Variants in ANXA3 observed in about 807,000 individuals in gnomAD.
ANXA3 encodes the protein 35-alpha calcimedin.
Under a neutral mutation model 48.8 loss-of-function variants are expected in ANXA3, and 46 were observed. The ratio of observed to expected loss-of-function variants is 0.94; its 90% CI spans 0.74 to 1.21. ANXA3 has a LOEUF of 1.21. Ranked by LOEUF, ANXA3 falls within the 50% of genes most tolerant of loss-of-function variation. ANXA3 has a pLI of 0.00. For missense variants in ANXA3, 383 were observed against 378.6 expected, an observed-to-expected ratio of 1.01 and a Z score of -0.10; for synonymous variants, 128 against 134.7, an observed-to-expected ratio of 0.95 and a Z score of 0.35.
At chr4:78,583,383 T>C (rs1723111835) in intron 5 of ANXA3, among the ~76,000 whole-genome samples, 1 of 151,596 alleles carries the variant, frequency 6.6e-6, no homozygotes, top group African/African-American at 2.4e-5. Context: ...TTGGAGGCCA[T>C]GGTGGGAGGA....
At chr4:78,590,278 A>C (rs1251187721) in intron 6 of ANXA3, among the ~76,000 whole-genome samples, 3 of 152,216 alleles carry the variant, frequency 2.0e-5, no homozygotes, top group Admixed American at 1.3e-4. Context: ...ACTAAATATT[A>C]TTATTTAGAA....
At chr4:78,567,069 T>C (rs1722746810) in intron 2 of ANXA3, among the ~76,000 whole-genome samples, 1 of 152,196 alleles carries the variant, frequency 6.6e-6, no homozygotes, top group Non-Finnish European at 1.5e-5. Context: ...TGTTTGTGCA[T>C]CATCTTCCAT....
chr4:78,604,403 A>G lies in ANXA3; in HGVS notation c.912+4A>G. The G allele has an allele frequency of 6.2e-7, 1 of 1,608,158 alleles. No individual in the cohort carries two copies. The highest frequency in any genetic ancestry group is 8.5e-7 in the Non-Finnish European group (1 of 1,175,894). ...TTCCCTATATTCAGCAATTAAAGTAAGTCTACTTTTAAAAATAGCAAAACA... is the reference window on the plus strand; with the variant it reads ...TTCCCTATATTCAGCAATTAAAGTAGGTCTACTTTTAAAAATAGCAAAACA... On this transcript the variant is annotated splice_donor_region_variant and intron_variant, in intron 12 of 12. Transcript: ENST00000264908.
intron 5 of ANXA3, 40 bp from the exon 6 acceptor site, chr4:78,586,220 T>C (rs1318307080): frequency 6.6e-7 from 1 of 1,521,658 alleles, no homozygotes; most frequent in South Asian, 1.1e-5. Context: ...GATTAAGTTA[T>C]TTAAGTGTTC....
intron 5 of ANXA3, among the ~76,000 whole-genome samples, chr4:78,583,453 C>T (rs1438434993): frequency 6.6e-6 from 1 of 151,436 alleles, no homozygotes; most frequent in East Asian, 1.9e-4. Context: ...GAGAACTTGT[C>T]TCTACAAAAA....
chr4:78,572,884 G>A (rs919815165), intron 2 of ANXA3, among the ~76,000 whole-genome samples: 4 of 152,148 alleles, frequency 2.6e-5, no homozygotes, highest in Non-Finnish European at 4.4e-5. Context: ...TTTGGGAAGA[G>A]CTAGTATCAT....
chr4:78,563,690 T>C (rs1484569309), intron 2 of ANXA3, among the ~76,000 whole-genome samples: 1 of 152,224 alleles, frequency 6.6e-6, no homozygotes, highest in Non-Finnish European at 1.5e-5. Flanking sequence ...GTTTGTGGTA[T>C]TTTGTTATAT....
chr4:78,585,840 T>C (rs1723164115), intron 5 of ANXA3, among the ~76,000 whole-genome samples: 1 of 152,198 alleles, frequency 6.6e-6, no homozygotes, highest in Non-Finnish European at 1.5e-5. Context: ...AAAGGCTCCC[T>C]GTATGAAGAG....
intron 2 of ANXA3, among the ~76,000 whole-genome samples, chr4:78,566,620 C>T (rs1722737374): frequency 1.6e-5 from 2 of 125,330 alleles, no homozygotes; most frequent in South Asian, 2.6e-4. Context: ...AATGGGTACA[C>T]ATTGATATAG....
chr4:78,560,475 G>A (rs898885027), intron 2 of ANXA3, among the ~76,000 whole-genome samples: 3 of 152,208 alleles, frequency 2.0e-5, no homozygotes, highest in African/African-American at 7.2e-5. Flanking sequence ...TGGACCCAGA[G>A]CCTCCATGCC....
In ANXA3 at chr4:78,591,585, T is replaced by C; in HGVS notation, c.445T>C (p.Ser149Pro). The change falls in exon 7 of 13, where the codon TCT becomes CCT. Residue 149 changes from serine (S) to proline (P), a missense_variant. Physicochemically the swap from Ser to Pro is moderately conservative, Grantham distance 74. Coordinates refer to ENST00000264908, the MANE Select transcript of ANXA3 (RefSeq NM_005139.3). ...SLGDDISSET[S>P]GDFRKALLTL... ...TGGAGATGACATTAGTTCCGAAACATCTGGTGACTTCCGGAAAGCTCTGTT... is the reference window on the plus strand; with the variant it reads ...TGGAGATGACATTAGTTCCGAAACACCTGGTGACTTCCGGAAAGCTCTGTT... The C allele has an allele frequency of 6.2e-7, 1 of 1,613,794 alleles. No individual in the cohort carries two copies. The highest frequency in any genetic ancestry group is 8.5e-7 in the Non-Finnish European group (1 of 1,179,746).
intron 12 of ANXA3, among the ~76,000 whole-genome samples, chr4:78,609,485 A>G (rs1293466515): frequency 6.6e-6 from 1 of 152,212 alleles, no homozygotes; most frequent in Non-Finnish European, 1.5e-5. Context: ...TTCTTTAAAA[A>G]TGTGGTTCAT....
chr4:78,598,046 G>T, intron 10 of ANXA3, among the ~76,000 whole-genome samples: 1 of 152,000 alleles, frequency 6.6e-6, no homozygotes. Context: ...AAACTGAGAC[G>T]TAGGCAAAGC....
At chr4:78,594,273 T>C (rs142409923) in intron 7 of ANXA3, among the ~76,000 whole-genome samples, 1 of 151,252 alleles carries the variant, frequency 6.6e-6, no homozygotes, top group Non-Finnish European at 1.5e-5. Context: ...TTGTATAGAA[T>C]ATTTATTTTA....
Position 78,591,531 on chromosome 4 carries a change from G to T in ANXA3, c.404-13G>T. The T allele has an allele frequency of 6.3e-7, 1 of 1,585,166 alleles. No individual in the cohort carries two copies. The highest frequency in any genetic ancestry group is 1.1e-5 in the South Asian group (1 of 88,100). On this transcript the variant is annotated splice_polypyrimidine_tract_variant and intron_variant, in intron 6 of 12. Transcript: ENST00000264908. ...GTTTGTCAAGGCTTAATTTCATTCT[G>T]ATTTGGTTTCAGTATACAAGAAGAG...
intron 12 of ANXA3, among the ~76,000 whole-genome samples, chr4:78,607,656 G>A (rs1272951232): frequency 6.6e-6 from 1 of 152,042 alleles, no homozygotes; most frequent in Non-Finnish European, 1.5e-5. Flanking sequence ...TAATCTATGT[G>A]GAGACTTGAG....
At chr4:78,599,721 T>G (rs1723497489) in intron 10 of ANXA3, among the ~76,000 whole-genome samples, 1 of 152,104 alleles carries the variant, frequency 6.6e-6, no homozygotes, top group Admixed American at 6.5e-5. Context: ...GTTAATTTTT[T>G]TTCCATTTTA....
intron 6 of ANXA3, among the ~76,000 whole-genome samples, chr4:78,588,238 C>T (rs1229212030): frequency 6.6e-6 from 1 of 151,520 alleles, no homozygotes; most frequent in African/African-American, 2.4e-5. Context: ...TAAAAAATAC[C>T]AAAAATTGGC....
chr4:78,567,882 C>T (rs1404865615), intron 2 of ANXA3, among the ~76,000 whole-genome samples: 1 of 152,210 alleles, frequency 6.6e-6, no homozygotes, highest in Non-Finnish European at 1.5e-5. Context: ...TCTGTTTCTT[C>T]TTGTCTTCAA....
Sources: gnomAD v4.1 joint callset for allele counts (sites outside exome capture counted in the v4.1 genomes callset) on GRCh38, gnomAD v4.1.1 for gene constraint, MANE v1.5 for transcripts, NCBI Gene and HGNC (gene_info 2026-07-23, HGNC 2026-07-21) for gene names.